Variants in ADAM12 observed in about 807,000 individuals in gnomAD.
ADAM12 encodes ADAM metallopeptidase domain 12.
In ADAM12, 70 loss-of-function variants were observed where a neutral mutation model predicts 106.4. The observed-to-expected ratio is 0.66, with a 90% CI of 0.54 to 0.80. The LOEUF is 0.80. Among genes scored for constraint, ADAM12 ranks in the 30% least tolerant of loss-of-function variants. The pLI, the probability that ADAM12 is intolerant of heterozygous loss-of-function variation, is 0.00. For missense variants in ADAM12, 1,010 were observed against 1,171.9 expected (o/e 0.86, Z 2.02); for synonymous variants, 420 against 433.5 (o/e 0.97, Z 0.39).
At chr10:126,034,591 A>G (rs954288572) in intron 21 of ADAM12, among the ~76,000 whole-genome samples, 1 of 152,182 alleles carries the variant, frequency 6.6e-6, no homozygotes, top group Non-Finnish European at 1.5e-5. Context: ...TTAAATATGA[A>G]TGTTCTAAAC....
At chr10:126,280,127 T>C (rs1055881381) in intron 2 of ADAM12, among the ~76,000 whole-genome samples, 1 of 152,126 alleles carries the variant, frequency 6.6e-6, no homozygotes, top group Non-Finnish European at 1.5e-5. Flanking sequence ...TAAGATGAAA[T>C]GGATTGTGGG....
At chr10:126,347,523 T>C (rs1183178393) in intron 1 of ADAM12, among the ~76,000 whole-genome samples, 13 of 152,208 alleles carry the variant, frequency 8.5e-5, no homozygotes, top group Non-Finnish European at 4.4e-5. Context: ...TCTTGAGGAG[T>C]ATCTTTGTGG....
At chr10:126,139,350 CTCT>C (rs1444191351) in intron 4 of ADAM12, among the ~76,000 whole-genome samples, 1 of 150,134 alleles carries the variant, frequency 6.7e-6, no homozygotes, top group African/African-American at 2.5e-5. Flanking sequence ...TAAATAAGAT[CTCT>C]TTTTTCCTAT....
intron 11 of ADAM12, among the ~76,000 whole-genome samples, chr10:126,085,881 T>G (rs1356092089): frequency 6.6e-6 from 1 of 152,196 alleles, no homozygotes; most frequent in Non-Finnish European, 1.5e-5. Flanking sequence ...CACAAATTCC[T>G]GACCTTGTGG....
intron 5 of ADAM12, among the ~76,000 whole-genome samples, chr10:126,123,574 C>T (rs1027380278): frequency 2.0e-5 from 3 of 152,172 alleles, no homozygotes; most frequent in African/African-American, 7.2e-5. Context: ...CTGTGGCACT[C>T]TTCTAGGATC....
intron 21 of ADAM12, among the ~76,000 whole-genome samples, chr10:126,025,761 C>T (rs1411335381): frequency 6.6e-6 from 1 of 152,198 alleles, no homozygotes; most frequent in Non-Finnish European, 1.5e-5. Context: ...AGGATAACTT[C>T]CCCTACCTGG....
At chr10:126,202,635 T>C (rs1957723926) in intron 3 of ADAM12, among the ~76,000 whole-genome samples, 1 of 152,192 alleles carries the variant, frequency 6.6e-6, no homozygotes, top group Non-Finnish European at 1.5e-5. Context: ...ACAACGAAAG[T>C]AAAATTGCAG....
At chr10:126,081,065 C>T (rs1480539133) in intron 11 of ADAM12, among the ~76,000 whole-genome samples, 7 of 149,728 alleles carry the variant, frequency 4.7e-5, no homozygotes, top group Admixed American at 3.4e-4. Context: ...AATTAGGCGT[C>T]TGGAGAAACC....
At chr10:126,306,358 C>T (rs1228917284) in intron 2 of ADAM12, among the ~76,000 whole-genome samples, 1 of 151,938 alleles carries the variant, frequency 6.6e-6, no homozygotes, top group Non-Finnish European at 1.5e-5. Flanking sequence ...CTATTTGTTC[C>T]TCCCTTTGTG....
At chr10:126,027,834 T>C (rs143039530) in intron 21 of ADAM12, among the ~76,000 whole-genome samples, 10 of 152,222 alleles carry the variant, frequency 6.6e-5, no homozygotes, top group African/African-American at 2.4e-4. Flanking sequence ...GTCAACATAG[T>C]ATTGGAAGTT....
intron 18 of ADAM12, chr10:126,042,088 C>T (rs1954187462): frequency 6.2e-7 from 1 of 1,604,538 alleles, no homozygotes; most frequent in Admixed American, 1.7e-5. Context: ...CGCGTGACCT[C>T]CTCTGCAGCA....
At chr10:126,381,256 C>G (rs1395870116) in intron 1 of ADAM12, among the ~76,000 whole-genome samples, 5 of 152,050 alleles carry the variant, frequency 3.3e-5, no homozygotes, top group African/African-American at 1.2e-4. Flanking sequence ...TAATCAAAGC[C>G]TTGGCTAAAT....
At chr10:126,337,395 G>T (rs1854740122) in intron 1 of ADAM12, among the ~76,000 whole-genome samples, 1 of 152,218 alleles carries the variant, frequency 6.6e-6, no homozygotes, top group African/African-American at 2.4e-5. Flanking sequence ...AGTCACTGGT[G>T]CAAGTCCCAG....
intron 16 of ADAM12, 26 bp from the exon 17 acceptor site, chr10:126,046,158 A>G (rs775991764): frequency 5.0e-6 from 8 of 1,596,344 alleles, no homozygotes; most frequent in Non-Finnish European, 6.0e-6. Flanking sequence ...AACACAGCAA[A>G]TCTCTTAGTA....
At chr10:126,186,875 T>C (rs1957408793) in intron 3 of ADAM12, among the ~76,000 whole-genome samples, 1 of 152,218 alleles carries the variant, frequency 6.6e-6, no homozygotes, top group Non-Finnish European at 1.5e-5. Flanking sequence ...TATTTTTCTT[T>C]GATCTCTCAA....
intron 3 of ADAM12, among the ~76,000 whole-genome samples, chr10:126,184,823 G>A (rs1321653540): frequency 6.6e-6 from 1 of 152,102 alleles, no homozygotes; most frequent in Non-Finnish European, 1.5e-5. Flanking sequence ...CTTTCCCTCT[G>A]CAAGTGTACA....
intron 3 of ADAM12, among the ~76,000 whole-genome samples, chr10:126,158,202 C>T (rs949063550): frequency 0.094 from 9 of 96 alleles, no homozygotes; most frequent in Admixed American, 0.25. Flanking sequence ...GGGATACACA[C>T]AACACAGGAC....
chr10:126,350,720 G>A (rs1373373173), intron 1 of ADAM12, among the ~76,000 whole-genome samples: 1 of 152,244 alleles, frequency 6.6e-6, no homozygotes, highest in Non-Finnish European at 1.5e-5. Context: ...CGGTGCACAG[G>A]AATGCTGCAG....
intron 11 of ADAM12, among the ~76,000 whole-genome samples, chr10:126,088,072 A>G (rs1015676577): frequency 1.1e-4 from 17 of 152,148 alleles, no homozygotes; most frequent in Admixed American, 9.2e-4. Flanking sequence ...AAAAGATGTG[A>G]AATGATGTTA....
Sources: gnomAD v4.1 joint callset for allele counts (sites outside exome capture counted in the v4.1 genomes callset) on GRCh38, gnomAD v4.1.1 for gene constraint, MANE v1.5 for transcripts, NCBI Gene and HGNC (gene_info 2026-07-23, HGNC 2026-07-21) for gene names.